Variants in METTL4 observed in about 807,000 individuals in gnomAD.
METTL4 encodes methyltransferase 4, N6-adenosine.
Under a neutral mutation model 54.0 loss-of-function variants are expected in METTL4, and 40 were observed. The ratio of observed to expected loss-of-function variants is 0.74; its 90% CI spans 0.58 to 0.96. METTL4 has a LOEUF of 0.96. Among genes scored for constraint, METTL4 ranks in the 50% least tolerant of loss-of-function variants. The pLI is 0.00. For missense variants in METTL4, 525 were observed against 549.0 expected (o/e 0.96, Z 0.44); for synonymous variants, 169 against 183.8 (o/e 0.92, Z 0.65).
At chr18:2,552,847 G>T (rs2072183617) in intron 4 of METTL4, 83 bp from the exon 5 acceptor site, 2 of 845,930 alleles carry the variant, frequency 2.4e-6, no homozygotes, top group Non-Finnish European at 3.9e-6. Flanking sequence ...AAACTCAAGT[G>T]ATTTCACTAC....
intron 5 of METTL4, among the ~76,000 whole-genome samples, chr18:2,550,086 C>T (rs1023195693): frequency 6.6e-6 from 1 of 152,110 alleles, no homozygotes; most frequent in Non-Finnish European, 1.5e-5. Context: ...GAAACAAGTG[C>T]TCTTCCCGCA....
In METTL4 at chr18:2,563,879, CA is replaced by C. The variant is rs746049901; in HGVS notation, c.397-21del. The C allele has an allele frequency of 8.8e-6, 14 of 1,586,952 alleles. 1 individual carries two copies. In the African/African-American group the frequency reaches 1.5e-4, roughly 17 times the overall value. On this transcript the variant is annotated intron_variant, in intron 2 of 8. Coordinates refer to ENST00000574538, the MANE Select transcript of METTL4 (RefSeq NM_022840.5). ...ACGCTTCTAAAGGGTAGATCAATTA[CA>C]GGGGAAAAGTTATGTTGCCATTAAT...
Position 2,547,468 on chromosome 18 carries a change from T to C in METTL4, c.961A>G (p.Asn321Asp). 6.2e-7 allele frequency: 1 copy of C among 1,611,876 alleles called. No individual in the cohort carries two copies. Among genetic ancestry groups the C allele is most frequent in the Non-Finnish European group, 8.5e-7 (1 of 1,178,936 alleles). The change falls in exon 6 of 9, where the codon AAC becomes GAC. Residue 321 changes from asparagine (N) to aspartate (D), a missense_variant. Coordinates refer to ENST00000574538, the MANE Select transcript of METTL4 (RefSeq NM_022840.5). ...GTCACCCAAGTAACAAGAAGACAGT[T>C]TGGAGCAGCCAATTTAGGGATAGGT... ...QIPIPKLAAP[N>D]CLLVTWVTNR...
At chr18:2,562,955 G>GA (rs5822712) in intron 3 of METTL4, among the ~76,000 whole-genome samples, 52,065 of 151,142 alleles carry the variant, frequency 0.34, 10,421 homozygotes, top group East Asian at 0.68. Context: ...GAAAGAAAGG[G>GA]AAAAAAAACC....
At chr18:2,550,971 T>C (rs900130550) in intron 5 of METTL4, among the ~76,000 whole-genome samples, 10 of 151,796 alleles carry the variant, frequency 6.6e-5, no homozygotes, top group Admixed American at 2.6e-4. Flanking sequence ...GAGACCATCC[T>C]GGCTAACATG....
At chr18:2,565,538 A>C (rs12955774) in intron 2 of METTL4, among the ~76,000 whole-genome samples, 1 of 152,218 alleles carries the variant, frequency 6.6e-6, no homozygotes, top group Non-Finnish European at 1.5e-5. Flanking sequence ...AAGAATATGC[A>C]CAAGAAAAAA....
chr18:2,554,816 C>G lies in METTL4; in HGVS notation c.682G>C (p.Val228Leu). The G allele has an allele frequency of 6.2e-7, 1 of 1,613,892 alleles. No individual in the cohort carries two copies. The highest frequency in any genetic ancestry group is 8.5e-7 in the Non-Finnish European group (1 of 1,179,872). Residue 228 changes from valine to leucine, a missense_variant, in exon 4 of 9, where the codon GTT becomes CTT. Transcript: ENST00000574538. ...CGCAAAAATAAATCCTGTTCTGTAA[C>G]AGATGTATCCTCTTCCACCAATTGT... The part of the protein sequence containing the change: ...TLQLVEEDTS[V>L]TEQDLFLRVV...
intron 3 of METTL4, chr18:2,561,860 T>G (rs1376170217): frequency 1.3e-5 from 2 of 152,214 alleles, no homozygotes; most frequent in Non-Finnish European, 2.9e-5. Context: ...TTTATAGATA[T>G]AAATACCCTG....
chr18:2,546,034 T>G (rs539593682), intron 6 of METTL4, among the ~76,000 whole-genome samples: 1 of 152,194 alleles, frequency 6.6e-6, no homozygotes, highest in East Asian at 1.9e-4. Flanking sequence ...AAAAGAACTA[T>G]CATAATAGGC....
intron 8 of METTL4, chr18:2,540,804 G>C (rs2071983662): frequency 1.0e-6 from 1 of 985,266 alleles, no homozygotes; most frequent in South Asian, 4.7e-5. Context: ...GCTGAAGAAA[G>C]GTTTTGTTTG....
intron 5 of METTL4, among the ~76,000 whole-genome samples, chr18:2,548,221 T>C (rs2143501200): frequency 6.6e-6 from 1 of 152,322 alleles, no homozygotes. Context: ...TAGAGTATAA[T>C]GGCTAGTTTG....
At chr18:2,563,763 C>A in intron 3 of METTL4, 34 bp downstream of exon 3, 1 of 1,473,436 alleles carries the variant, frequency 6.8e-7, no homozygotes, top group Middle Eastern at 1.8e-4. Flanking sequence ...TCACATTAAT[C>A]TTCCAATGTG....
In METTL4 at chr18:2,567,089, A is replaced by G. The variant is rs749898221; in HGVS notation, c.128T>C (p.Val43Ala). 9 of 1,614,108 alleles carry G rather than the reference A, an allele frequency of 5.6e-6. No homozygotes were observed. In the East Asian group the frequency reaches 2.0e-4, roughly 36 times the overall value. The change falls in exon 2 of 9, where the codon GTT becomes GCT. Residue 43 changes from valine to alanine, a missense_variant. By Grantham distance (64) the Val-to-Ala change is moderately conservative. Transcript: ENST00000574538. Reference sequence around the variant, plus strand: ...ATCCATTTGAAGAGACTCAAAGTGAACAGAAGTAGTGAACTCCTTTTTACG... The same window carrying G: ...ATCCATTTGAAGAGACTCAAAGTGAGCAGAAGTAGTGAACTCCTTTTTACG... ...CCRKKEFTTS[V>A]HFESLQMDSV... is the part of the protein sequence containing the mutation.
At chr18:2,544,868 T>C (rs1487868082) in intron 6 of METTL4, 109 bp from the exon 7 acceptor site, 14 of 620,798 alleles carry the variant, frequency 2.3e-5, no homozygotes, top group Non-Finnish European at 2.2e-5. Flanking sequence ...TCAGTAAAAA[T>C]ACTATGTGAG....
At chr18:2,551,011 A>G (rs2072148552) in intron 5 of METTL4, among the ~76,000 whole-genome samples, 1 of 151,424 alleles carries the variant, frequency 6.6e-6, no homozygotes. Flanking sequence ...AAAAATACAA[A>G]AAATTAGCCG....
In METTL4 at chr18:2,547,481, T is replaced by C. The variant is rs35591317; in HGVS notation, c.948A>G (p.Lys316=). ...PLQIQQIPIP[K]LAAPNCLLVT... ...CAAGAAGACAGTTTGGAGCAGCCAA[T>C]TTAGGGATAGGTATTTGCTGTATTT... is the stretch of plus-strand genomic sequence containing the variant. Residue 316 remains lysine, a synonymous_variant, in exon 6 of 9, where the codon AAA becomes AAG. Coordinates refer to ENST00000574538, the MANE Select transcript of METTL4 (RefSeq NM_022840.5). 0.087 allele frequency: 140,402 copies of C among 1,610,336 alleles called. 7,111 individuals carry two copies. Among genetic ancestry groups the C allele is most frequent in the Non-Finnish European group, 0.1 (121,000 of 1,178,086 alleles).
At chr18:2,540,798 A>T in intron 8 of METTL4, 1 of 985,420 alleles carries the variant, frequency 1.0e-6, no homozygotes, top group Admixed American at 6.1e-5. Flanking sequence ...GGTTACGCTG[A>T]AGAAAGGTTT....
chr18:2,561,030 A>T (rs1264389643), intron 3 of METTL4: 1 of 152,154 alleles, frequency 6.6e-6, no homozygotes. Context: ...ATGGAAAAAA[A>T]TTTTTAAAAA....
chr18:2,540,027 C>G lies in METTL4; in HGVS notation c.1274-882G>C, dbSNP rs2071971375. The G allele has an allele frequency of 8.2e-6, 8 of 977,290 alleles. No individual in the cohort carries two copies. In the Admixed American group the frequency reaches 4.9e-4, roughly 60 times the overall value. The allele number at this position is 977,290 out of a possible 1,614,324, so 60.5% of individuals were successfully genotyped here. A position where few individuals can be genotyped will look rare whatever the true frequency, so the allele number is the denominator to read the frequency against. On this transcript the variant is annotated intron_variant, in intron 8 of 8. Coordinates refer to ENST00000574538, the MANE Select transcript of METTL4 (RefSeq NM_022840.5). ...ATTTCTTCATTTTCAAATTATAGAT[C>G]CTTCTTTACCTAAAATTTCATCATG...
Sources: gnomAD v4.1 joint callset for allele counts (sites outside exome capture counted in the v4.1 genomes callset) on GRCh38, gnomAD v4.1.1 for gene constraint, MANE v1.5 for transcripts, NCBI Gene and HGNC (gene_info 2026-07-23, HGNC 2026-07-21) for gene names.